HERPUD2: variants seen among roughly 807,000 people sequenced by gnomAD.
The protein encoded by HERPUD2 is homocysteine-responsive endoplasmic reticulum-resident ubiquitin-like domain member 2 protein.
HERPUD2 carries 13 observed loss-of-function variants against 49.9 expected under a neutral mutation model. The observed-to-expected ratio is 0.26, with a 90% CI of 0.17 to 0.41. The LOEUF (loss-of-function observed/expected upper bound fraction) is 0.41. HERPUD2 is among the 10% of genes least tolerant of loss of function. HERPUD2 has a pLI of 1.00. For synonymous variants in HERPUD2, 172 were observed against 171.4 expected, an observed-to-expected ratio of 1.00 and a Z score of -0.03; for missense variants, 449 against 492.2, an observed-to-expected ratio of 0.91 and a Z score of 0.83.
At chr7:35,648,060 T>C (rs547162494) in intron 5 of HERPUD2, among the ~76,000 whole-genome samples, 138 of 152,284 alleles carry the variant, frequency 9.1e-4, no homozygotes, top group Non-Finnish European at 1.5e-3. Context: ...CTTATCACGT[T>C]AGCAAGTACA....
chr7:35,678,672 G>A (rs550542898), intron 2 of HERPUD2, among the ~76,000 whole-genome samples: 8 of 152,052 alleles, frequency 5.3e-5, no homozygotes, highest in African/African-American at 1.7e-4. Flanking sequence ...CCTTCTCTAC[G>A]AGAAAAAATA....
intron 7 of HERPUD2, 135 bp from the exon 8 acceptor site, chr7:35,634,564 C>T: frequency 1.7e-6 from 1 of 585,988 alleles, no homozygotes. Flanking sequence ...TCTCCCACTT[C>T]AGGACAGGGA....
intron 2 of HERPUD2, among the ~76,000 whole-genome samples, chr7:35,683,877 G>C (rs1459978980): frequency 6.6e-6 from 1 of 152,102 alleles, no homozygotes. Context: ...ACTGCTGCAG[G>C]AATGGCCATA....
chr7:35,649,761 T>C (rs551829870), intron 5 of HERPUD2, among the ~76,000 whole-genome samples: 3 of 152,344 alleles, frequency 2.0e-5, no homozygotes, highest in African/African-American at 4.8e-5. Flanking sequence ...TTTTATCATA[T>C]AGATAAAGCT....
At chr7:35,668,038 TAAC>T (rs1358111963) in intron 4 of HERPUD2, among the ~76,000 whole-genome samples, 1 of 151,210 alleles carries the variant, frequency 6.6e-6, no homozygotes, top group Non-Finnish European at 1.5e-5. Context: ...ATGCTATTGT[TAAC>T]ATATTGATTT....
chr7:35,648,732 T>C (rs2115869284), intron 5 of HERPUD2, among the ~76,000 whole-genome samples: 1 of 152,146 alleles, frequency 6.6e-6, no homozygotes, highest in East Asian at 1.9e-4. Flanking sequence ...AAATTACTGA[T>C]CTAAAGAGAA....
At chr7:35,684,815 G>A (rs772575048) in intron 2 of HERPUD2, among the ~76,000 whole-genome samples, 3 of 152,048 alleles carry the variant, frequency 2.0e-5, no homozygotes, top group Non-Finnish European at 2.9e-5. Context: ...CGGGTGATGG[G>A]TACACCAGAA....
chr7:35,657,965 T>C (rs888144974), intron 5 of HERPUD2, among the ~76,000 whole-genome samples: 1 of 151,856 alleles, frequency 6.6e-6, no homozygotes, highest in Non-Finnish European at 1.5e-5. Flanking sequence ...AACTACCCTA[T>C]GATCCAGCAA....
At position 35,694,282 on chromosome 7, in the gene HERPUD2, G is replaced by C; in HGVS notation, c.49C>G (p.Pro17Ala). The change falls in exon 2 of 9, where the codon CCG becomes GCG. Residue 17 changes from proline (P) to alanine (A), a missense_variant. Pro to Ala is a conservative substitution (Grantham distance 27). Coordinates refer to ENST00000311350, the MANE Select transcript of HERPUD2 (RefSeq NM_022373.5). ...GTCTGGTCACTGTATTTCTGATTCG[G>C]TGCTTTAATGATGAGGGTCACAGGA... Reference protein sequence around the residue: ...EIPVTLIIKAPNQKYSDQTIS... With the variant: ...EIPVTLIIKAANQKYSDQTIS... The C allele has an allele frequency of 4.3e-6, 7 of 1,614,158 alleles. No individual in the cohort carries two copies. Among genetic ancestry groups the C allele is most frequent in the Non-Finnish European group, 5.1e-6 (6 of 1,180,006 alleles).
At chr7:35,693,835 A>G (rs1032793065) in intron 2 of HERPUD2, among the ~76,000 whole-genome samples, 2 of 152,092 alleles carry the variant, frequency 1.3e-5, no homozygotes, top group Non-Finnish European at 2.9e-5. Flanking sequence ...ATAGGGTTTC[A>G]CCATGTTGGT....
At chr7:35,664,021 G>A (rs1785486947) in intron 5 of HERPUD2, among the ~76,000 whole-genome samples, 1 of 152,156 alleles carries the variant, frequency 6.6e-6, no homozygotes, top group Non-Finnish European at 1.5e-5. Flanking sequence ...TGTTTTTGCA[G>A]GGCTGGTACC....
chr7:35,692,814 T>C (rs1208842273), intron 2 of HERPUD2, among the ~76,000 whole-genome samples: 2 of 152,256 alleles, frequency 1.3e-5, no homozygotes, highest in Non-Finnish European at 2.9e-5. Context: ...AACACTGAAA[T>C]GCTCATAATT....
intron 2 of HERPUD2, among the ~76,000 whole-genome samples, chr7:35,693,682 G>A (rs1186059805): frequency 1.3e-5 from 2 of 151,978 alleles, no homozygotes; most frequent in Non-Finnish European, 2.9e-5. Flanking sequence ...GTGCCACTCA[G>A]GCTGGAGGGC....
At chr7:35,680,653 G>T (rs1014910720) in intron 2 of HERPUD2, among the ~76,000 whole-genome samples, 1 of 152,106 alleles carries the variant, frequency 6.6e-6, no homozygotes, top group African/African-American at 2.4e-5. Flanking sequence ...TTCTCCCCCA[G>T]CTCTTGCATA....
chr7:35,692,524 C>A (rs1428175888), intron 2 of HERPUD2, among the ~76,000 whole-genome samples: 1 of 152,144 alleles, frequency 6.6e-6, no homozygotes, highest in African/African-American at 2.4e-5. Context: ...AACAGGAAAT[C>A]TTTTGTAATC....
intron 5 of HERPUD2, among the ~76,000 whole-genome samples, chr7:35,654,630 A>G (rs548771196): frequency 6.6e-6 from 1 of 151,570 alleles, no homozygotes; most frequent in Non-Finnish European, 1.5e-5. Context: ...CCAACAAAGA[A>G]AAGTCCAGGA....
chr7:35,659,708 C>G (rs1006294579), intron 5 of HERPUD2, among the ~76,000 whole-genome samples: 4 of 152,212 alleles, frequency 2.6e-5, no homozygotes, highest in Middle Eastern at 3.4e-3. Context: ...AATCATTAAG[C>G]TATACTGCCT....
intron 2 of HERPUD2, among the ~76,000 whole-genome samples, chr7:35,688,466 A>C (rs1230468457): frequency 2.0e-5 from 3 of 152,226 alleles, no homozygotes; most frequent in African/African-American, 7.2e-5. Flanking sequence ...TACACCTCTG[A>C]TGTTCAATAG....
intron 5 of HERPUD2, among the ~76,000 whole-genome samples, chr7:35,646,974 T>C (rs539847305): frequency 6.9e-6 from 1 of 144,720 alleles, no homozygotes; most frequent in Non-Finnish European, 1.6e-5. Context: ...TTAGAAATTA[T>C]GAAAAAAAAA....
Sources: allele counts gnomAD v4.1 joint callset (sites outside exome capture counted in the v4.1 genomes callset), GRCh38; gene constraint gnomAD v4.1.1; transcripts MANE v1.5; gene names NCBI Gene and HGNC (gene_info 2026-07-23, HGNC 2026-07-21).